GRB14: variants seen among roughly 807,000 people sequenced by gnomAD.
GRB14 encodes growth factor receptor bound protein 14, also known as growth factor receptor-bound protein 14.
A neutral mutation model predicts 69.1 loss-of-function variants in GRB14; 38 were observed. That is an observed-to-expected ratio of 0.55 (90% CI 0.42 to 0.72). The LOEUF is 0.72. Among genes scored for constraint, GRB14 ranks in the 30% least tolerant of loss-of-function variants. The probability of loss-of-function intolerance (pLI) is 0.00; values close to 1 mark genes in which losing one functional copy is unlikely to be tolerated. For missense variants in GRB14, 666 were observed against 666.1 expected (o/e 1.00, Z 0.00); for synonymous variants, 247 against 241.3 (o/e 1.02, Z -0.22).
At position 164,525,095 on chromosome 2, in the gene GRB14, G is replaced by GT; in HGVS notation, c.604-18dup. On this transcript the variant is annotated splice_polypyrimidine_tract_variant and intron_variant, in intron 4 of 13. Coordinates refer to ENST00000263915, the MANE Select transcript of GRB14 (RefSeq NM_004490.3). Reference sequence around the variant, plus strand: ...AAAAAAATACTGTCAAAAAGACACAGTTAAATTATCACAAAATTCATGCTA... The same window carrying GT: ...AAAAAAATACTGTCAAAAAGACACAGTTTAAATTATCACAAAATTCATGCTA... The GT allele has an allele frequency of 6.8e-7, 1 of 1,468,892 alleles. No individual in the cohort carries two copies. The highest frequency in any genetic ancestry group is 9.4e-7 in the Non-Finnish European group (1 of 1,060,076). 91.0% of individuals were successfully genotyped at this position (1,468,892 alleles called of 1,614,324 possible). A position where few individuals can be genotyped will look rare whatever the true frequency, so the allele number is the denominator to read the frequency against.
At chr2:164,608,226 G>A (rs1690084564) in intron 2 of GRB14, among the ~76,000 whole-genome samples, 2 of 152,142 alleles carry the variant, frequency 1.3e-5, no homozygotes, top group South Asian at 4.1e-4. Flanking sequence ...GCAAAAATTA[G>A]CCAGGTGTGG....
intron 3 of GRB14, among the ~76,000 whole-genome samples, chr2:164,544,027 C>A (rs1477282596): frequency 1.3e-5 from 2 of 152,052 alleles, no homozygotes; most frequent in Admixed American, 1.3e-4. Flanking sequence ...GAGTGAAAAA[C>A]CAAAGGAAAA....
chr2:164,498,517 A>G (rs927220766), intron 9 of GRB14, among the ~76,000 whole-genome samples: 2 of 152,172 alleles, frequency 1.3e-5, no homozygotes, highest in African/African-American at 4.8e-5. Context: ...ATACAACATC[A>G]AGAAGGAATT....
At chr2:164,525,113 T>A in intron 4 of GRB14, 35 bp from the exon 5 acceptor site, 1 of 1,329,148 alleles carries the variant, frequency 7.5e-7, no homozygotes, top group Non-Finnish European at 1.1e-6. Flanking sequence ...ATCACAAAAT[T>A]CATGCTAGAA....
chr2:164,617,961 G>T (rs1255318657), intron 2 of GRB14, among the ~76,000 whole-genome samples: 2,399 of 56,070 alleles, frequency 0.043, 105 homozygotes, highest in African/African-American at 0.24. Context: ...CTTTTTTTTG[G>T]GGGGGGGGGG....
chr2:164,608,916 G>A (rs1419925348), intron 2 of GRB14, among the ~76,000 whole-genome samples: 1 of 152,072 alleles, frequency 6.6e-6, no homozygotes, highest in Non-Finnish European at 1.5e-5. Flanking sequence ...AAAATAGGAT[G>A]GGAATTGACT....
chr2:164,535,081 A>G (rs898824980), intron 3 of GRB14, among the ~76,000 whole-genome samples: 1 of 152,200 alleles, frequency 6.6e-6, no homozygotes, highest in African/African-American at 2.4e-5. Context: ...TTACTTCAAC[A>G]TAGCAATCAA....
chr2:164,563,414 G>A (rs867336731), intron 2 of GRB14, among the ~76,000 whole-genome samples: 1 of 152,118 alleles, frequency 6.6e-6, no homozygotes, highest in Admixed American at 6.5e-5. Context: ...CTCCAGGCCC[G>A]CATTTCCTGA....
chr2:164,508,758 T>G lies in GRB14; in HGVS notation c.911A>C (p.Tyr304Ser), dbSNP rs144729984. 6.3e-7 allele frequency: 1 copy of G among 1,585,574 alleles called. No homozygotes were observed. Among genetic ancestry groups the G allele is most frequent in the African/African-American group, 1.4e-5 (1 of 73,112 alleles). ...AGCCTGTACCTTAAAGCAGAATCCATAGTTAGTCGGTGCTCCATGTTTTTT... is the reference window on the plus strand; with the variant it reads ...AGCCTGTACCTTAAAGCAGAATCCAGAGTTAGTCGGTGCTCCATGTTTTTT... ...GKKKHGAPTN[Y>S]GFCFKPNKAG... is the part of the protein sequence containing the mutation. Residue 304 changes from tyrosine to serine, a missense_variant, in exon 7 of 14, where the codon TAT becomes TCT. Tyr to Ser is a moderately radical substitution (Grantham distance 144, BLOSUM62 -2). Transcript: ENST00000263915.
intron 13 of GRB14, among the ~76,000 whole-genome samples, chr2:164,494,095 T>C (rs1262182587): frequency 6.6e-6 from 1 of 152,196 alleles, no homozygotes; most frequent in Non-Finnish European, 1.5e-5. Flanking sequence ...GGCTTTAAAG[T>C]AATGTTTTCT....
At chr2:164,534,456 T>TAGTAGAC (rs1004513576) in intron 3 of GRB14, among the ~76,000 whole-genome samples, 1 of 152,126 alleles carries the variant, frequency 6.6e-6, no homozygotes, top group African/African-American at 2.4e-5. Context: ...ATACAGGCCC[T>TAGTAGAC]AGTAGACAGA....
At chr2:164,596,126 C>T (rs1689777718) in intron 2 of GRB14, among the ~76,000 whole-genome samples, 1 of 152,050 alleles carries the variant, frequency 6.6e-6, no homozygotes, top group Admixed American at 6.6e-5. Flanking sequence ...CCGTCAAAAA[C>T]AAAGAGATAG....
intron 2 of GRB14, among the ~76,000 whole-genome samples, chr2:164,580,368 C>G (rs1358989360): frequency 6.6e-6 from 1 of 151,150 alleles, no homozygotes; most frequent in African/African-American, 2.4e-5. Flanking sequence ...GCTGGGACTA[C>G]AGGCGTGAGC....
intron 2 of GRB14, among the ~76,000 whole-genome samples, chr2:164,610,944 C>T (rs553046025): frequency 6.9e-6 from 1 of 143,958 alleles, no homozygotes; most frequent in South Asian, 2.1e-4. Flanking sequence ...GATGAGATGA[C>T]CTTATACTGA....
chr2:164,567,699 C>T lies in GRB14; in HGVS notation c.325-19883G>A, dbSNP rs373776594. Among the ~76,000 whole-genome samples, 12 of 152,082 alleles carry T rather than the reference C, an allele frequency of 7.9e-5. No homozygotes were observed. In the East Asian group the frequency reaches 2.1e-3, roughly 27 times the overall value. ...AAGTGAGACATAAAAATAATCTTTA[C>T]AAAAAACTAATAAATAAAATATTTT... On this transcript the variant is annotated intron_variant, in intron 2 of 13. Coordinates refer to ENST00000263915, the MANE Select transcript of GRB14 (RefSeq NM_004490.3).
At chr2:164,578,522 G>GCACACACA (rs61283767) in intron 2 of GRB14, among the ~76,000 whole-genome samples, 1,538 of 145,620 alleles carry the variant, frequency 0.011, 19 homozygotes, top group South Asian at 0.017. Flanking sequence ...CAATTCGCGC[G>GCACACACA]CACACACACA....
chr2:164,608,156 G>T (rs960038924), intron 2 of GRB14, among the ~76,000 whole-genome samples: 4 of 152,142 alleles, frequency 2.6e-5, no homozygotes, highest in African/African-American at 9.7e-5. Flanking sequence ...CAGATCAACT[G>T]AGGTCAGGAG....
At position 164,547,732 on chromosome 2, in the gene GRB14, A is replaced by G. The variant is rs188350636; in HGVS notation, c.409T>C (p.Leu137=). The G allele has an allele frequency of 9.9e-6, 16 of 1,613,876 alleles. No homozygotes were observed. Among genetic ancestry groups the G allele is most frequent in the African/African-American group, 1.3e-5 (1 of 75,060 alleles). The change falls in exon 3 of 14, where the codon TTG becomes CTG. Residue 137 remains leucine (L), a synonymous_variant. Transcript: ENST00000263915. The part of the protein sequence containing the change: ...DITARDVCQL[L]ILKNHYIDDH... ...TCAATGTAATGATTCTTCAGGATCA[A>G]CAGCTGACAAACATCTCGAGCCGTT...
chr2:164,539,620 C>T (rs894086972), intron 3 of GRB14: 7 of 152,158 alleles, frequency 4.6e-5, no homozygotes, highest in Admixed American at 1.3e-4. Flanking sequence ...ATGGTTTAGA[C>T]AGATGAGAAG....
Sources: allele counts gnomAD v4.1 joint callset (sites outside exome capture counted in the v4.1 genomes callset), GRCh38; gene constraint gnomAD v4.1.1; transcripts MANE v1.5; gene names NCBI Gene and HGNC (gene_info 2026-07-23, HGNC 2026-07-21).